FREM2: variants seen among roughly 807,000 people sequenced by gnomAD.
FREM2 encodes the protein FRAS1 related extracellular matrix 2.
FREM2 carries 119 observed loss-of-function variants against 219.9 expected under a neutral mutation model. The ratio of observed to expected loss-of-function variants is 0.54; its 90% CI spans 0.47 to 0.63. The LOEUF is 0.63. Ranked by LOEUF, FREM2 falls within the 30% of genes least tolerant of loss-of-function variation. FREM2 has a pLI of 0.00. For synonymous variants in FREM2, 1,562 were observed against 1,522.8 expected (o/e 1.03, Z -0.60); for missense variants, 4,030 against 3,993.6 (o/e 1.01, Z -0.25).
intron 2 of FREM2, among the ~76,000 whole-genome samples, chr13:38,744,909 C>G (rs74906667): frequency 6.6e-6 from 1 of 152,282 alleles, no homozygotes; most frequent in Admixed American, 6.5e-5. Context: ...GGTCATGATG[C>G]AATAACAAAT....
intron 2 of FREM2, among the ~76,000 whole-genome samples, chr13:38,711,776 C>T (rs922069572): frequency 6.6e-6 from 1 of 152,010 alleles, no homozygotes; most frequent in African/African-American, 2.4e-5. Context: ...TGAAGTGAAT[C>T]GAGTTTATGT....
At chr13:38,749,095 G>A (rs1257886592) in intron 2 of FREM2, among the ~76,000 whole-genome samples, 1 of 152,140 alleles carries the variant, frequency 6.6e-6, no homozygotes, top group Non-Finnish European at 1.5e-5. Flanking sequence ...TCTAACATGG[G>A]TTGGTGAAGC....
rs757302340 is a variant in FREM2 at position 38,689,345 on chromosome 13, A to C, written c.2001A>C (p.Thr667=). The change falls in exon 1 of 24, where the codon ACA becomes ACC. Residue 667 remains threonine (T), a synonymous_variant. Coordinates refer to ENST00000280481, the MANE Select transcript of FREM2 (RefSeq NM_207361.6). ...HSGPHSPGPV[T]DQFTFRVQDN... is the part of the protein sequence containing the mutation. The stretch of plus-strand genomic sequence containing the variant: ...GGCCCCATAGTCCTGGGCCAGTCAC[A>C]GACCAGTTCACATTTAGAGTCCAGG... The C allele has an allele frequency of 1.8e-5, 29 of 1,613,974 alleles. No homozygotes were observed. Among genetic ancestry groups the C allele is most frequent in the Admixed American group, 1.7e-5 (1 of 60,006 alleles).
chr13:38,688,183 T>C lies in FREM2; in HGVS notation c.839T>C (p.Ile280Thr). ...AGTCGCTCACCAAACAGGGACTGGA[T>C]ACCCATGGTGGTGGAGCTGCGTTCA... ...AASRSPNRDW[I>T]PMVVELRSRG... The change falls in exon 1 of 24, where the codon ATA becomes ACA. Residue 280 changes from isoleucine to threonine, a missense_variant. Ile to Thr is a moderately conservative substitution (Grantham distance 89). This residue lies in a region of FREM2 where 3,102 missense variants were observed against 2,950.7 expected (regional missense o/e 1.05). Transcript: ENST00000280481. 2 of 1,613,596 alleles carry C rather than the reference T, an allele frequency of 1.2e-6. No individual in the cohort carries two copies. Among genetic ancestry groups the C allele is most frequent in the East Asian group, 2.2e-5 (1 of 44,848 alleles).
At chr13:38,782,375 C>T (rs1874150731) in intron 4 of FREM2, among the ~76,000 whole-genome samples, 1 of 151,920 alleles carries the variant, frequency 6.6e-6, no homozygotes, top group East Asian at 1.9e-4. Context: ...ATTTAACATG[C>T]CCTTTGACTG....
intron 4 of FREM2, among the ~76,000 whole-genome samples, chr13:38,777,653 T>C (rs1873924779): frequency 1.3e-5 from 2 of 152,238 alleles, no homozygotes; most frequent in Admixed American, 1.3e-4. Context: ...AAGGGTAGTC[T>C]ACAAATGCCA....
At chr13:38,744,584 C>T (rs1020725615) in intron 2 of FREM2, among the ~76,000 whole-genome samples, 13 of 151,652 alleles carry the variant, frequency 8.6e-5, no homozygotes, top group African/African-American at 1.7e-4. Flanking sequence ...CTCCACCTCC[C>T]GTGTTCAAGC....
At chr13:38,758,361 T>G (rs1169353996) in intron 2 of FREM2, among the ~76,000 whole-genome samples, 2 of 152,238 alleles carry the variant, frequency 1.3e-5, no homozygotes, top group Non-Finnish European at 2.9e-5. Context: ...AATACCACCC[T>G]GTACTTAAGC....
intron 22 of FREM2, among the ~76,000 whole-genome samples, 182 bp downstream of exon 22, chr13:38,878,503 C>G (rs1878429747): frequency 6.6e-6 from 1 of 150,820 alleles, no homozygotes; most frequent in Non-Finnish European, 1.5e-5. Context: ...CATAGTGAGA[C>G]CCCATCTCTA....
chr13:38,832,305 C>T (rs1281901692), intron 6 of FREM2, among the ~76,000 whole-genome samples: 1 of 152,008 alleles, frequency 6.6e-6, no homozygotes, highest in African/African-American at 2.4e-5. Context: ...AAGGCCATGC[C>T]TAAATTATTT....
intron 2 of FREM2, among the ~76,000 whole-genome samples, chr13:38,735,082 G>C (rs1253430705): frequency 6.6e-6 from 1 of 152,084 alleles, no homozygotes; most frequent in Non-Finnish European, 1.5e-5. Flanking sequence ...TTAATGTTTG[G>C]CTTAATAGAG....
intron 6 of FREM2, among the ~76,000 whole-genome samples, chr13:38,803,341 G>C (rs1875093850): frequency 6.6e-6 from 1 of 152,138 alleles, no homozygotes; most frequent in South Asian, 2.1e-4. Flanking sequence ...ACTCTTAACT[G>C]TGTGCAAGTA....
chr13:38,823,766 G>T (rs548113918), intron 6 of FREM2, among the ~76,000 whole-genome samples: 18 of 152,114 alleles, frequency 1.2e-4, no homozygotes, highest in African/African-American at 3.9e-4. Flanking sequence ...TCCTTTAAGA[G>T]AAAACATTCA....
chr13:38,726,514 C>T (rs988775889), intron 2 of FREM2, among the ~76,000 whole-genome samples: 15 of 152,080 alleles, frequency 9.9e-5, no homozygotes, highest in African/African-American at 3.6e-4. Flanking sequence ...ATAATTAATA[C>T]AGGGTCAGAG....
intron 3 of FREM2, among the ~76,000 whole-genome samples, chr13:38,768,710 T>C (rs936674941): frequency 1.3e-5 from 2 of 152,238 alleles, no homozygotes; most frequent in Non-Finnish European, 2.9e-5. Flanking sequence ...TTTAAGGATA[T>C]AGAAGTCCAA....
At position 38,776,148 on chromosome 13, in the gene FREM2, A is replaced by G. The variant is rs192647930; in HGVS notation, c.5641+6340A>G. Among the ~76,000 whole-genome samples, 4 of 152,342 alleles carry G rather than the reference A, an allele frequency of 2.6e-5. No individual in the cohort carries two copies. The East Asian group carries it at 5.8e-4, about 22-fold the overall frequency. On this transcript the variant is annotated intron_variant, in intron 4 of 23. Coordinates refer to ENST00000280481, the MANE Select transcript of FREM2 (RefSeq NM_207361.6). ...ATGTAAGAAAGCTGTCCAAGTTCAAATAGATAAATGACAGACTCTGCTGTA... is the reference window on the plus strand; with the variant it reads ...ATGTAAGAAAGCTGTCCAAGTTCAAGTAGATAAATGACAGACTCTGCTGTA...
chr13:38,864,279 G>A lies in FREM2; in HGVS notation c.7656G>A (p.Met2552Ile). Reference protein sequence around the residue: ...LTVTMPHIDGMLPVISTRELS... With the variant: ...LTVTMPHIDGILPVISTRELS... ...AATGATTTCGATTTATCATAGGCAT[G>A]CTCCCCGTGATCTCCACTAGAGAGC... is the stretch of plus-strand genomic sequence containing the variant. Residue 2552 changes from methionine to isoleucine, a missense_variant, in exon 16 of 24, where the codon ATG (methionine) becomes ATA (isoleucine). Met to Ile is a conservative substitution (Grantham distance 10). Around this residue, in one of 2 missense-constraint regions of FREM2, gnomAD observed 928 missense variants for 1,042.9 expected, o/e 0.89. Transcript: ENST00000280481. 6.2e-7 allele frequency: 1 copy of A among 1,611,888 alleles called. No individual in the cohort carries two copies. Among genetic ancestry groups the A allele is most frequent in the Non-Finnish European group, 8.5e-7 (1 of 1,178,582 alleles).
At position 38,691,617 on chromosome 13, in the gene FREM2, ATAAG is replaced by A. The variant is rs764926747; in HGVS notation, c.4278_4281del (p.Ser1426ArgfsTer5). On this transcript the variant is annotated frameshift_variant, in exon 1 of 24. Coordinates refer to ENST00000280481, the MANE Select transcript of FREM2 (RefSeq NM_207361.6). LOFTEE classifies it high-confidence loss of function. ...CATTGACATTGTCTTCCCTGATGTGATAAGTAAGGGAGTGTCCTTGAAAGAAGGT... is the reference window on the plus strand; with the variant it reads ...CATTGACATTGTCTTCCCTGATGTGATAAGGGAGTGTCCTTGAAAGAAGGT... The A allele has an allele frequency of 2.5e-6, 4 of 1,614,034 alleles. No homozygotes were observed. Among genetic ancestry groups the A allele is most frequent in the Non-Finnish European group, 8.5e-7 (1 of 1,179,914 alleles).
intron 6 of FREM2, among the ~76,000 whole-genome samples, chr13:38,830,191 G>A (rs1414230618): frequency 6.6e-6 from 1 of 152,090 alleles, no homozygotes; most frequent in African/African-American, 2.4e-5. Context: ...ACGAAAGTGA[G>A]GAAAATGACT....
Sources: allele counts gnomAD v4.1 joint callset (sites outside exome capture counted in the v4.1 genomes callset), GRCh38; gene constraint gnomAD v4.1.1; regional missense constraint gnomAD v4.1.1; transcripts MANE v1.5; gene names NCBI Gene and HGNC (gene_info 2026-07-23, HGNC 2026-07-21).